The following USH2A variants were observed in gnomAD, a reference collection of about 807,000 sequenced individuals.
USH2A encodes the protein Usher syndrome 2A (autosomal recessive, mild).
USH2A carries 443 observed loss-of-function variants against 538.9 expected under a neutral mutation model. That is an observed-to-expected ratio of 0.82 (90% confidence interval 0.76 to 0.89). The LOEUF is 0.89. Among genes scored for constraint, USH2A ranks in the 40% least tolerant of loss-of-function variants. USH2A has a pLI of 0.00. For synonymous variants in USH2A, 2,413 were observed against 2,273.5 expected (o/e 1.06, Z -1.75); for missense variants, 6,633 against 6,324.8 (o/e 1.05, Z -1.65).
rs762059856 is a variant in USH2A, at chr1:216,251,097, A to G, written c.1973T>C (p.Ile658Thr). Residue 658 changes from isoleucine to threonine, a missense_variant and splice_region_variant, in exon 12 of 72, where the codon ATT (isoleucine) becomes ACT (threonine). Ile to Thr is a moderately conservative substitution (Grantham distance 89, BLOSUM62 -1). Transcript: ENST00000307340. The stretch of plus-strand genomic sequence containing the variant: ...TCTCTTACAATTACACTGTCCTCCA[A>G]TCTAGAGAAGATACAACATTTTGTA... ...TRNGSILCDQ[I>T]GGQCNCKRHV... 6.2e-7 allele frequency: 1 copy of G among 1,613,888 alleles called. No homozygotes were observed. The highest frequency in any genetic ancestry group is 2.2e-5 in the East Asian group (1 of 44,812).
chr1:216,152,369 C>G (rs2033854281), intron 21 of USH2A, among the ~76,000 whole-genome samples: 1 of 152,102 alleles, frequency 6.6e-6, no homozygotes, highest in Non-Finnish European at 1.5e-5. Context: ...ATGGCCGGTC[C>G]TTGCCTTAAC....
At chr1:215,923,759 C>T (rs1289978692) in intron 38 of USH2A, among the ~76,000 whole-genome samples, 1 of 151,998 alleles carries the variant, frequency 6.6e-6, no homozygotes, top group Non-Finnish European at 1.5e-5. Flanking sequence ...TGATAGTAAT[C>T]ATTACTAATA....
At position 215,878,971 on chromosome 1, in the gene USH2A, A is replaced by G; in HGVS notation, c.8351T>C (p.Ile2784Thr). The G allele has an allele frequency of 6.2e-7, 1 of 1,614,112 alleles. No individual in the cohort carries two copies. Among genetic ancestry groups the G allele is most frequent in the South Asian group, 1.1e-5 (1 of 91,080 alleles). Reference sequence around the variant, plus strand: ...GGTGACAGAATAATTAGTGAAAGGAATCAGATGAGTAACTTTTTGACTTAA... The same window carrying G: ...GGTGACAGAATAATTAGTGAAAGGAGTCAGATGAGTAACTTTTTGACTTAA... The part of the protein sequence containing the change: ...AVLSQKVTHL[I>T]PFTNYSVTIV... The change falls in exon 42 of 72, where the codon ATT (isoleucine) becomes ACT (threonine). Residue 2784 changes from isoleucine (I) to threonine (T), a missense_variant. By Grantham distance (89) the Ile-to-Thr change is moderately conservative. Transcript: ENST00000307340.
In USH2A at chr1:215,623,485, C is replaced by T. The variant is rs996371586; in HGVS notation, c.*2296G>A. 2.0e-5 allele frequency: 3 copies of T among 151,220 alleles called. No homozygotes were observed. The highest frequency in any genetic ancestry group is 7.3e-5 in the African/African-American group (3 of 41,376). The allele number at this position is 151,220 out of a possible 1,614,324, so 9.4% of individuals were successfully genotyped here. On this transcript the variant is annotated 3_prime_UTR_variant, in exon 72 of 72. Transcript: ENST00000307340. ...TCAACCGAATCAGAATCTCTAGAGG[C>T]GAGTCTGCATGGTTTGTATAATAGA...
chr1:215,884,559 C>G (rs1344584348), intron 41 of USH2A, among the ~76,000 whole-genome samples: 1 of 152,202 alleles, frequency 6.6e-6, no homozygotes, highest in African/African-American at 2.4e-5. Flanking sequence ...CTATCTGACA[C>G]AGTTGTAGTA....
At chr1:216,400,215 G>GTT (rs869213931) in intron 3 of USH2A, among the ~76,000 whole-genome samples, 19 of 53,998 alleles carry the variant, frequency 3.5e-4, no homozygotes, top group East Asian at 6.6e-4. Flanking sequence ...AGAAATAGAA[G>GTT]TTATATATAT....
chr1:216,063,171 T>C (rs538471146), intron 30 of USH2A, among the ~76,000 whole-genome samples: 1 of 152,316 alleles, frequency 6.6e-6, no homozygotes, highest in South Asian at 2.1e-4. Flanking sequence ...CCGATTTTTC[T>C]CTCTTTTGGT....
intron 67 of USH2A, 133 bp from the exon 68 acceptor site, chr1:215,640,867 AC>A: frequency 1.0e-6 from 1 of 975,446 alleles, no homozygotes; most frequent in East Asian, 2.6e-5. Context: ...AAAAAAGAAA[AC>A]CAACATTGCT....
Position 215,838,039 on chromosome 1 carries a change from T to A in USH2A, c.9323A>T (p.Asp3108Val). 2 of 1,614,086 alleles carry A rather than the reference T, an allele frequency of 1.2e-6. No homozygotes were observed. The highest frequency in any genetic ancestry group is 8.5e-7 in the Non-Finnish European group (1 of 1,179,954). ...SNGTQITTVE[D>V]TPSDIPTPTI... ...GGGTGTTGGTATATCACTTGGAGTG[T>A]CTTCCACAGTGGTAATTTGGGTTCC... Residue 3108 changes from aspartate to valine, a missense_variant, in exon 47 of 72, where the codon GAC becomes GTC. Physicochemically the swap from Asp to Val is radical, Grantham distance 152 (BLOSUM62 -3). Transcript: ENST00000307340.
chr1:215,730,377 TCTC>T (rs1304407849), intron 60 of USH2A, among the ~76,000 whole-genome samples: 4 of 152,180 alleles, frequency 2.6e-5, no homozygotes, highest in Non-Finnish European at 5.9e-5. Flanking sequence ...CTTTGCCTCT[TCTC>T]CATCAGCTCT....
chr1:216,007,205 T>C (rs1273628682), intron 32 of USH2A, among the ~76,000 whole-genome samples: 2 of 152,188 alleles, frequency 1.3e-5, no homozygotes, highest in African/African-American at 4.8e-5. Context: ...ATTAAACCTC[T>C]TTTTCTTTAC....
chr1:215,700,712 G>A (rs150367026), intron 61 of USH2A, among the ~76,000 whole-genome samples: 2,329 of 151,952 alleles, frequency 0.015, 59 homozygotes, highest in African/African-American at 0.053. Context: ...TTCTTTATTA[G>A]TCTAGCTAGC....
intron 22 of USH2A, among the ~76,000 whole-genome samples, chr1:216,091,212 A>G (rs570484325): frequency 6.6e-6 from 1 of 152,314 alleles, no homozygotes; most frequent in East Asian, 1.9e-4. Flanking sequence ...TATTTGGAAC[A>G]TATCAGACAC....
chr1:215,626,490 T>G (rs1656029452), intron 71 of USH2A, among the ~76,000 whole-genome samples: 1 of 152,044 alleles, frequency 6.6e-6, no homozygotes, highest in Non-Finnish European at 1.5e-5. Context: ...CTATTTGTGC[T>G]CCATTTCTTC....
chr1:215,704,161 C>A (rs922581254), intron 61 of USH2A, among the ~76,000 whole-genome samples: 2 of 152,216 alleles, frequency 1.3e-5, no homozygotes, highest in African/African-American at 4.8e-5. Context: ...CAACCAGTCC[C>A]AGTGGGATGA....
intron 69 of USH2A, among the ~76,000 whole-genome samples, chr1:215,638,618 C>CAAA (rs373591243): frequency 3.2e-4 from 28 of 87,482 alleles, no homozygotes; most frequent in African/African-American, 7.9e-4. Flanking sequence ...GACTCTGTCT[C>CAAA]AAAAAAAAAA....
At chr1:215,977,359 G>A (rs1173623628) in intron 35 of USH2A, among the ~76,000 whole-genome samples, 1 of 152,034 alleles carries the variant, frequency 6.6e-6, no homozygotes, top group African/African-American at 2.4e-5. Context: ...ACATCCCAGA[G>A]ATTTTGGTAT....
At position 215,926,011 on chromosome 1, in the gene USH2A, C is replaced by T. The variant is rs541919216; in HGVS notation, c.7300+8605G>A. 1.1e-3 allele frequency among the ~76,000 whole-genome samples: 168 copies of T among 151,982 alleles called. 1 individual carries two copies. Among genetic ancestry groups the T allele is most frequent in the Non-Finnish European group, 2.1e-3 (143 of 67,996 alleles). On this transcript the variant is annotated intron_variant, in intron 38 of 71. Coordinates refer to ENST00000307340, the MANE Select transcript of USH2A (RefSeq NM_206933.4). ...CCAGCCTGGGTGACAGAGCGAGACTCCGTCTCAAAAAAACAAGAACAAAAA... is the reference window on the plus strand; with the variant it reads ...CCAGCCTGGGTGACAGAGCGAGACTTCGTCTCAAAAAAACAAGAACAAAAA...
In USH2A at chr1:215,998,940, C is replaced by T; in HGVS notation, c.6604G>A (p.Asp2202Asn). 6.2e-7 allele frequency: 1 copy of T among 1,613,248 alleles called. No individual in the cohort carries two copies. The highest frequency in any genetic ancestry group is 8.5e-7 in the Non-Finnish European group (1 of 1,179,574). Residue 2202 changes from aspartate to asparagine, a missense_variant, in exon 34 of 72, where the codon GAT becomes AAT. Physicochemically the swap from Asp to Asn is conservative, Grantham distance 23. Transcript: ENST00000307340. ...VIYNSTELFQ[D>N]HMLQYVLPGN... Reference sequence around the variant, plus strand: ...GGTAAAACGTATTGTAGCATATGATCCTGGAAAAGTTCTGTACTGTTATAG... The same window carrying T: ...GGTAAAACGTATTGTAGCATATGATTCTGGAAAAGTTCTGTACTGTTATAG...
Sources: allele counts gnomAD v4.1 joint callset (sites outside exome capture counted in the v4.1 genomes callset), GRCh38; gene constraint gnomAD v4.1.1; transcripts MANE v1.5; gene names NCBI Gene and HGNC (gene_info 2026-07-23, HGNC 2026-07-21).